MANBA: variants seen among roughly 807,000 people sequenced by gnomAD.
MANBA encodes mannosidase beta, also known as beta-mannosidase.
Under a neutral mutation model 111.1 loss-of-function variants are expected in MANBA, and 83 were observed. The observed-to-expected ratio is 0.75, with a 90% CI of 0.63 to 0.90. The LOEUF is 0.90. Among genes scored for constraint, MANBA ranks in the 40% least tolerant of loss-of-function variants. The pLI is 0.00. For synonymous variants in MANBA, 370 were observed against 378.7 expected, an observed-to-expected ratio of 0.98 and a Z score of 0.27; for missense variants, 1,036 against 1,069.0, an observed-to-expected ratio of 0.97 and a Z score of 0.43.
chr4:102,705,827 C>T (rs1733272429), intron 5 of MANBA, among the ~76,000 whole-genome samples: 1 of 152,286 alleles, frequency 6.6e-6, no homozygotes, highest in Middle Eastern at 3.4e-3. Context: ...GATGACCCTG[C>T]CCCATCCACC....
rs529980982 is a variant in MANBA at position 102,644,811 on chromosome 4, A to T, written c.1870-4954T>A. Among the ~76,000 whole-genome samples, 3 of 152,298 alleles carry T rather than the reference A, an allele frequency of 2.0e-5. No individual in the cohort carries two copies. In the South Asian group the frequency reaches 6.2e-4, roughly 32 times the overall value. On this transcript the variant is annotated intron_variant, in intron 13 of 16. Coordinates refer to ENST00000647097, the MANE Select transcript of MANBA (RefSeq NM_005908.4). ...ACGTGAAGCAATGCATATGTTTAAC[A>T]GCTTGAATTAGCCATTCCATAATGT... is the stretch of plus-strand genomic sequence containing the variant.
At chr4:102,668,575 A>G (rs541074432) in intron 10 of MANBA, 1 of 229,152 alleles carries the variant, frequency 4.4e-6, no homozygotes, top group African/African-American at 2.3e-5. Flanking sequence ...TGAGCAATTC[A>G]AACAGTGGTG....
At chr4:102,674,156 A>G in intron 7 of MANBA, 86 bp from the exon 8 acceptor site, 1 of 1,013,666 alleles carries the variant, frequency 9.9e-7, no homozygotes, top group East Asian at 2.5e-5. Flanking sequence ...TTTTTGAAAA[A>G]CTACATTCAG....
chr4:102,668,180 T>C (rs1030094783), intron 10 of MANBA: 1 of 152,244 alleles, frequency 6.6e-6, no homozygotes, highest in Admixed American at 6.5e-5. Context: ...GATCATCCCC[T>C]AAACAGACCT....
chr4:102,685,851 C>T (rs1366933255), intron 7 of MANBA, among the ~76,000 whole-genome samples: 3 of 152,136 alleles, frequency 2.0e-5, no homozygotes, highest in African/African-American at 7.2e-5. Context: ...GCACCCAGTT[C>T]GTACATAGTC....
At chr4:102,718,654 G>C (rs1436980572) in intron 4 of MANBA, among the ~76,000 whole-genome samples, 1 of 152,220 alleles carries the variant, frequency 6.6e-6, no homozygotes, top group Non-Finnish European at 1.5e-5. Flanking sequence ...TACAGGGAAA[G>C]TGGAGGTTCA....
intron 9 of MANBA, among the ~76,000 whole-genome samples, chr4:102,670,386 T>C (rs566843028): frequency 6.6e-6 from 1 of 152,272 alleles, no homozygotes; most frequent in Admixed American, 6.5e-5. Flanking sequence ...GAGAATATTA[T>C]AGAATATTGT....
At chr4:102,662,403 G>A (rs1731003644) in intron 11 of MANBA, among the ~76,000 whole-genome samples, 1 of 151,968 alleles carries the variant, frequency 6.6e-6, no homozygotes, top group Non-Finnish European at 1.5e-5. Flanking sequence ...AGCTGGGTGT[G>A]GTGGTGCATG....
intron 5 of MANBA, among the ~76,000 whole-genome samples, chr4:102,704,068 C>T (rs1733186185): frequency 1.3e-5 from 2 of 151,832 alleles, no homozygotes; most frequent in South Asian, 4.2e-4. Flanking sequence ...GCACTCCAGC[C>T]TGGGTAACAG....
chr4:102,667,685 G>A (rs1444439960), intron 10 of MANBA: 1 of 152,090 alleles, frequency 6.6e-6, no homozygotes, highest in African/African-American at 2.4e-5. Flanking sequence ...ACCTCCCTAA[G>A]GTTGCAGACT....
At chr4:102,692,242 G>C (rs534901074) in intron 5 of MANBA, among the ~76,000 whole-genome samples, 1 of 152,256 alleles carries the variant, frequency 6.6e-6, no homozygotes, top group Admixed American at 6.5e-5. Context: ...ACTTGGAAAA[G>C]CCAGGAACAG....
chr4:102,651,994 A>T (rs1385659451), intron 12 of MANBA, among the ~76,000 whole-genome samples: 1 of 152,192 alleles, frequency 6.6e-6, no homozygotes, highest in East Asian at 1.9e-4. Context: ...GTACACATTT[A>T]TGGGGTACCA....
At chr4:102,663,330 C>T (rs895518941) in intron 11 of MANBA, among the ~76,000 whole-genome samples, 4 of 152,190 alleles carry the variant, frequency 2.6e-5, no homozygotes, top group African/African-American at 7.2e-5. Context: ...CCCAAGGTTA[C>T]ATAGACAGGA....
At chr4:102,737,781 C>T (rs1398418264) in intron 1 of MANBA, among the ~76,000 whole-genome samples, 5 of 152,092 alleles carry the variant, frequency 3.3e-5, no homozygotes, top group African/African-American at 4.8e-5. Context: ...TGCGCCCGGC[C>T]GGGTAAGGCC....
intron 9 of MANBA, among the ~76,000 whole-genome samples, chr4:102,669,766 G>A (rs1454324057): frequency 6.6e-6 from 1 of 152,168 alleles, no homozygotes; most frequent in African/African-American, 2.4e-5. Flanking sequence ...AGATCACGAG[G>A]TCAGGAGATC....
chr4:102,697,692 A>AT (rs1250273068), intron 5 of MANBA, among the ~76,000 whole-genome samples: 5 of 148,592 alleles, frequency 3.4e-5, no homozygotes, highest in African/African-American at 1.2e-4. Flanking sequence ...TGAACTCATC[A>AT]TTTTTTATGG....
intron 1 of MANBA, among the ~76,000 whole-genome samples, chr4:102,739,332 A>G (rs1222714383): frequency 2.0e-5 from 3 of 152,238 alleles, no homozygotes; most frequent in African/African-American, 7.2e-5. Context: ...ACCAAAAAAA[A>G]GTCCAGGACC....
chr4:102,670,154 CAAAAAAAAAAAAAAA>C (rs70937560), intron 9 of MANBA, among the ~76,000 whole-genome samples: 1 of 107,940 alleles, frequency 9.3e-6, no homozygotes, highest in Non-Finnish European at 1.9e-5. Flanking sequence ...GACTCCATAT[CAAAAAAAAAAAAAAA>C]AAAAAAAAGA....
At chr4:102,673,151 G>A (rs1424953288) in intron 8 of MANBA, among the ~76,000 whole-genome samples, 3 of 152,102 alleles carry the variant, frequency 2.0e-5, no homozygotes, top group Non-Finnish European at 4.4e-5. Flanking sequence ...CTACACACGA[G>A]ATTTTGTTTA....
Sources: allele counts gnomAD v4.1 joint callset (sites outside exome capture counted in the v4.1 genomes callset), GRCh38; gene constraint gnomAD v4.1.1; transcripts MANE v1.5; gene names NCBI Gene and HGNC (gene_info 2026-07-23, HGNC 2026-07-21).